Variants in NBDY observed in about 807,000 individuals in gnomAD.
NBDY encodes negative regulator of P-body association.
intron 2 of NBDY, among the ~76,000 whole-genome samples, chrX:56,749,977 T>C (rs970038548): frequency 7.1e-5 from 8 of 111,911 alleles, no homozygotes; most frequent in Admixed American, 9.5e-5. Context: ...AAATACATTA[T>C]ATTTTATTAT....
intron 2 of NBDY, among the ~76,000 whole-genome samples, chrX:56,796,248 CTCTT>C (rs2069791343): frequency 8.9e-6 from 1 of 111,773 alleles, no homozygotes; most frequent in South Asian, 3.8e-4. Context: ...ATGGGACTGA[CTCTT>C]TCTCCTGGCT....
intron 2 of NBDY, among the ~76,000 whole-genome samples, chrX:56,733,156 A>G (rs1467443868): frequency 9.1e-6 from 1 of 109,841 alleles, no homozygotes; most frequent in Admixed American, 9.7e-5. Context: ...TTATCATTCA[A>G]TATTTATTAT....
At chrX:56,799,520 T>C (rs1280291094) in intron 2 of NBDY, among the ~76,000 whole-genome samples, 1 of 113,042 alleles carries the variant, frequency 8.8e-6, no homozygotes, top group East Asian at 2.8e-4. Context: ...CAGGTACACT[T>C]CCTTAAGGGC....
intron 2 of NBDY, among the ~76,000 whole-genome samples, chrX:56,807,227 T>C (rs2069856461): frequency 8.9e-6 from 1 of 112,243 alleles, no homozygotes; most frequent in Non-Finnish European, 1.9e-5. Context: ...CCTTGTAGTG[T>C]AGTTTGAAGT....
At chrX:56,741,787 C>T (rs998375512) in intron 2 of NBDY, among the ~76,000 whole-genome samples, 2 of 110,328 alleles carry the variant, frequency 1.8e-5, no homozygotes, top group Non-Finnish European at 3.8e-5. Flanking sequence ...TCCCATTGCA[C>T]CTATACTTTA....
chrX:56,808,747 G>T (rs555522352), intron 2 of NBDY, among the ~76,000 whole-genome samples: 1 of 111,380 alleles, frequency 9.0e-6, no homozygotes, highest in East Asian at 2.8e-4. Context: ...GGTTTTTCTT[G>T]TCTCTGTATT....
intron 2 of NBDY, among the ~76,000 whole-genome samples, chrX:56,782,209 C>T (rs913676946): frequency 9.0e-6 from 1 of 110,552 alleles, no homozygotes; most frequent in African/African-American, 3.3e-5. Context: ...ACTTTCTGTT[C>T]TTGTTCTCTT....
intron 2 of NBDY, among the ~76,000 whole-genome samples, chrX:56,786,995 C>G (rs1427501336): frequency 9.0e-6 from 1 of 111,497 alleles, no homozygotes; most frequent in Non-Finnish European, 1.9e-5. Flanking sequence ...ATTTCCCGTT[C>G]TCCTTCTGGA....
chrX:56,751,487 G>A (rs1054702915), intron 2 of NBDY, among the ~76,000 whole-genome samples: 14 of 112,224 alleles, frequency 1.2e-4, no homozygotes, highest in Admixed American at 1.9e-4. Context: ...CACAACAGAA[G>A]TTACTTCATT....
intron 2 of NBDY, among the ~76,000 whole-genome samples, chrX:56,763,047 CAG>C (rs759994414): frequency 1.4e-3 from 160 of 112,639 alleles, no homozygotes; most frequent in African/African-American, 4.9e-3. Context: ...GAACAGGAGA[CAG>C]GGGAGAATTC....
Position 56,742,773 on chromosome X carries a change from C to T in NBDY, c.*166+10574C>T, listed in dbSNP as rs12689166. Among the ~76,000 whole-genome samples the T allele has an allele frequency of 9.0e-3, 998 of 111,460 alleles. 20 individuals are homozygous for T. The highest frequency in any genetic ancestry group is 0.073 in the East Asian group (257 of 3,534). Reference sequence around the variant, plus strand: ...ACAAGATCAAATCCTCTGCAAACAACGGTAATTTGACTTCTTCCTTTCCAA... The same window carrying T: ...ACAAGATCAAATCCTCTGCAAACAATGGTAATTTGACTTCTTCCTTTCCAA... On this transcript the variant is annotated intron_variant, in intron 2 of 2. Coordinates refer to ENST00000374922, the MANE Select transcript of NBDY (RefSeq NM_001348129.2).
chrX:56,805,122 G>A (rs888936944), intron 2 of NBDY, among the ~76,000 whole-genome samples: 1 of 111,941 alleles, frequency 8.9e-6, no homozygotes, highest in Admixed American at 9.4e-5. Flanking sequence ...AGGAAGAAGG[G>A]CAACAGTACC....
At position 56,799,655 on chromosome X, in the gene NBDY, GC is replaced by G. The variant is rs1319056365; in HGVS notation, c.*167-17663del. Among the ~76,000 whole-genome samples, 9 of 113,206 alleles carry G rather than the reference GC, an allele frequency of 8.0e-5. No individual in the cohort carries two copies. In the Admixed American group the frequency reaches 8.3e-4, roughly 10 times the overall value. Reference sequence around the variant, plus strand: ...AGTCTGTTGTCAAGAAACACCTTCCGCCGGATGGCACTGTGACTCCACAAAT... The same window carrying G: ...AGTCTGTTGTCAAGAAACACCTTCCGCGGATGGCACTGTGACTCCACAAAT... On this transcript the variant is annotated intron_variant, in intron 2 of 2. Coordinates refer to ENST00000374922, the MANE Select transcript of NBDY (RefSeq NM_001348129.2).
intron 2 of NBDY, among the ~76,000 whole-genome samples, chrX:56,783,971 G>A (rs755788030): frequency 2.7e-5 from 3 of 112,265 alleles, no homozygotes; most frequent in Non-Finnish European, 5.6e-5. Flanking sequence ...TCCTTCTTCT[G>A]GATTCTTCTC....
chrX:56,795,066 G>A (rs1797775232), intron 2 of NBDY, among the ~76,000 whole-genome samples: 1 of 112,399 alleles, frequency 8.9e-6, no homozygotes, highest in South Asian at 3.7e-4. Flanking sequence ...GATAGAGCAT[G>A]CATGCTTACT....
rs1326909605 is a variant in NBDY at position 56,819,000 on chromosome X, A to C, written c.*1847A>C. The C allele has an allele frequency of 1.8e-5, 2 of 109,435 alleles. No homozygotes were observed. The highest frequency in any genetic ancestry group is 9.8e-5 in the Admixed American group (1 of 10,202). 9.0% of individuals were successfully genotyped at this position (109,435 alleles called of 1,213,427 possible). A position where few individuals can be genotyped will look rare whatever the true frequency, so the allele number is the denominator to read the frequency against. ...TATCTACATGCAAAAAAAAAACAAA[A>C]AAACAAAAAACTTCCACCCCTACCT... On this transcript the variant is annotated 3_prime_UTR_variant, in exon 3 of 3. Transcript: ENST00000374922.
At chrX:56,791,824 C>T (rs1461299678) in intron 2 of NBDY, among the ~76,000 whole-genome samples, 1 of 49,759 alleles carries the variant, frequency 2.0e-5, no homozygotes, top group African/African-American at 6.4e-5. Context: ...CCTCCTCTTC[C>T]AGTTCATCTT....
intron 2 of NBDY, among the ~76,000 whole-genome samples, chrX:56,757,584 T>TGGGGG (rs1023818260): frequency 3.6e-5 from 4 of 111,647 alleles, no homozygotes; most frequent in African/African-American, 1.3e-4. Context: ...TCCCCCCACT[T>TGGGGG]GACCACATTG....
intron 2 of NBDY, among the ~76,000 whole-genome samples, chrX:56,757,048 G>C (rs771140943): frequency 1.1e-4 from 12 of 112,361 alleles, no homozygotes; most frequent in Non-Finnish European, 1.7e-4. Context: ...TGATTAAACT[G>C]TAATAACAAC....
Sources: allele counts gnomAD v4.1 joint callset (sites outside exome capture counted in the v4.1 genomes callset), GRCh38; gene constraint gnomAD v4.1.1; transcripts MANE v1.5; gene names NCBI Gene and HGNC (gene_info 2026-07-23, HGNC 2026-07-21).